Variants in MYO1D observed in about 807,000 individuals in gnomAD.
MYO1D encodes the protein myosin ID.
MYO1D carries 83 observed loss-of-function variants against 122.0 expected under a neutral mutation model. The observed-to-expected ratio is 0.68, with a 90% CI of 0.57 to 0.82. The LOEUF (loss-of-function observed/expected upper bound fraction) is 0.82. MYO1D is among the 40% of genes least tolerant of loss of function. The pLI is 0.00. For missense variants in MYO1D, 1,157 were observed against 1,269.5 expected, an observed-to-expected ratio of 0.91 and a Z score of 1.35; for synonymous variants, 464 against 446.9, an observed-to-expected ratio of 1.04 and a Z score of -0.48.
chr17:32,719,803 T>TTGGCTAA (rs1464892577), intron 15 of MYO1D, among the ~76,000 whole-genome samples: 1 of 152,214 alleles, frequency 6.6e-6, no homozygotes, highest in Non-Finnish European at 1.5e-5. Flanking sequence ...TTAGTCTGAT[T>TTGGCTAA]ACAAAGTTTG....
intron 21 of MYO1D, among the ~76,000 whole-genome samples, chr17:32,560,249 C>T (rs2087106878): frequency 6.6e-6 from 1 of 151,130 alleles, no homozygotes; most frequent in Non-Finnish European, 1.5e-5. Flanking sequence ...AATGAGACTC[C>T]ATCTCAAAAA....
intron 17 of MYO1D, among the ~76,000 whole-genome samples, chr17:32,655,687 T>C (rs1006980658): frequency 2.0e-5 from 3 of 152,094 alleles, no homozygotes; most frequent in Non-Finnish European, 4.4e-5. Context: ...CACAAAGCCA[T>C]GAGACCATGA....
chr17:32,734,239 A>T (rs1474707512), intron 14 of MYO1D, among the ~76,000 whole-genome samples: 1 of 152,088 alleles, frequency 6.6e-6, no homozygotes, highest in African/African-American at 2.4e-5. Context: ...ATTAATTTTG[A>T]TAACTTTTTT....
intron 19 of MYO1D, among the ~76,000 whole-genome samples, chr17:32,641,805 G>C (rs2088204828): frequency 6.6e-6 from 1 of 151,922 alleles, no homozygotes; most frequent in African/African-American, 2.4e-5. Flanking sequence ...AAATTTGTTT[G>C]AGTTCTTTGT....
chr17:32,548,474 A>T (rs2086983722), intron 21 of MYO1D, among the ~76,000 whole-genome samples: 1 of 151,900 alleles, frequency 6.6e-6, no homozygotes. Flanking sequence ...TAGGTATAGA[A>T]GGCAGAGGAG....
At chr17:32,616,366 G>A (rs1164148092) in intron 20 of MYO1D, among the ~76,000 whole-genome samples, 1 of 152,116 alleles carries the variant, frequency 6.6e-6, no homozygotes. Flanking sequence ...AGGCTGGAGT[G>A]CAGTGGTGCA....
intron 20 of MYO1D, 120 bp from the exon 21 acceptor site, chr17:32,605,361 G>A: frequency 1.2e-6 from 1 of 819,556 alleles, no homozygotes; most frequent in South Asian, 3.0e-5. Context: ...TTGGGAGGCT[G>A]ATACAGGATG....
intron 21 of MYO1D, among the ~76,000 whole-genome samples, chr17:32,604,599 A>C (rs2087604084): frequency 3.3e-5 from 5 of 152,188 alleles, no homozygotes; most frequent in Admixed American, 3.3e-4. Flanking sequence ...TGAAGTTCTC[A>C]GATTATGCCA....
chr17:32,857,563 C>T lies in MYO1D; in HGVS notation c.95+19215G>A, dbSNP rs558571142. Among the ~76,000 whole-genome samples the T allele has an allele frequency of 5.0e-4, 72 of 143,408 alleles. 1 individual carries two copies. The highest frequency in any genetic ancestry group is 1.8e-3 in the African/African-American group (68 of 38,128). The allele number at this position is 143,408 out of a possible 152,430, so 94.1% of individuals were successfully genotyped here. ...TCGCACCACTGCACTCCAGCCTGGA[C>T]GACAGAGCAAGACTCCACCTCAAAA... is the stretch of plus-strand genomic sequence containing the variant. On this transcript the variant is annotated intron_variant, in intron 1 of 21. Coordinates refer to ENST00000318217, the MANE Select transcript of MYO1D (RefSeq NM_015194.3).
chr17:32,785,500 G>C (rs1205342512), intron 1 of MYO1D, among the ~76,000 whole-genome samples: 1 of 152,150 alleles, frequency 6.6e-6, no homozygotes, highest in Non-Finnish European at 1.5e-5. Flanking sequence ...CTATTTCTCA[G>C]GAGAGGTGTC....
chr17:32,851,728 TCTCATAAGGAGTGTGCA>T (rs71899619), intron 1 of MYO1D, among the ~76,000 whole-genome samples: 53,574 of 151,944 alleles, frequency 0.35, 10,829 homozygotes, highest in East Asian at 0.5. Flanking sequence ...GGCATTAGAG[TCTCATAAGGAGTGTGCA>T]CTCATAAGGA....
intron 20 of MYO1D, among the ~76,000 whole-genome samples, chr17:32,638,257 T>G (rs1240194644): frequency 2.0e-5 from 3 of 152,176 alleles, no homozygotes; most frequent in Non-Finnish European, 2.9e-5. Flanking sequence ...AACAATAAAG[T>G]GGACTTACAC....
At chr17:32,680,940 G>T (rs1191527251) in intron 16 of MYO1D, among the ~76,000 whole-genome samples, 1 of 152,084 alleles carries the variant, frequency 6.6e-6, no homozygotes, top group Non-Finnish European at 1.5e-5. Flanking sequence ...CCTGTTACTG[G>T]TCTATTCAGA....
At chr17:32,520,704 A>G (rs1466158440) in intron 21 of MYO1D, among the ~76,000 whole-genome samples, 1 of 152,198 alleles carries the variant, frequency 6.6e-6, no homozygotes, top group African/African-American at 2.4e-5. Flanking sequence ...TCTTCTGTTC[A>G]TCTAGACATG....
intron 21 of MYO1D, among the ~76,000 whole-genome samples, chr17:32,540,923 CAAA>C (rs33945323): frequency 8.9e-4 from 75 of 83,852 alleles, no homozygotes; most frequent in African/African-American, 2.0e-3. Flanking sequence ...GACTTCGTCT[CAAA>C]AAAAAAAAAA....
At chr17:32,523,790 C>CAAAA (rs34905929) in intron 21 of MYO1D, among the ~76,000 whole-genome samples, 25 of 91,624 alleles carry the variant, frequency 2.7e-4, no homozygotes, top group East Asian at 4.2e-4. Context: ...GACCCTGTCT[C>CAAAA]AAAAAAAAAA....
intron 16 of MYO1D, among the ~76,000 whole-genome samples, chr17:32,681,427 A>G (rs377218802): frequency 1.5e-4 from 22 of 144,734 alleles, no homozygotes; most frequent in African/African-American, 4.1e-4. Context: ...CTTTGAATGC[A>G]TCCCAGAGAT....
intron 21 of MYO1D, among the ~76,000 whole-genome samples, chr17:32,522,529 T>C (rs1411505235): frequency 6.6e-6 from 1 of 152,168 alleles, no homozygotes. Context: ...CACTGTTTCC[T>C]AAATAGACAG....
In MYO1D at chr17:32,666,757, T is replaced by C. The variant is rs149719858; in HGVS notation, c.2122-7419A>G. 2.8e-3 allele frequency among the ~76,000 whole-genome samples: 424 copies of C among 152,336 alleles called. 2 individuals carry two copies. The highest frequency in any genetic ancestry group is 4.1e-3 in the South Asian group (20 of 4,830). ...TAGTCATTATGGGCATTGGGGGCTC[T>C]TTCTGTCTTGTTGTCAATATAAATC... On this transcript the variant is annotated intron_variant, in intron 16 of 21. Coordinates refer to ENST00000318217, the MANE Select transcript of MYO1D (RefSeq NM_015194.3).
Sources: gnomAD v4.1 joint callset for allele counts (sites outside exome capture counted in the v4.1 genomes callset) on GRCh38, gnomAD v4.1.1 for gene constraint, MANE v1.5 for transcripts, NCBI Gene and HGNC (gene_info 2026-07-23, HGNC 2026-07-21) for gene names.